PDSS1: variants seen among roughly 807,000 people sequenced by gnomAD.
PDSS1 encodes decaprenyl diphosphate synthase subunit 1.
A neutral mutation model predicts 57.5 loss-of-function variants in PDSS1; 43 were observed. That is an observed-to-expected ratio of 0.75 (90% CI 0.59 to 0.96). PDSS1 has a LOEUF of 0.96. PDSS1 is among the 50% of genes least tolerant of loss of function. PDSS1 has a pLI of 0.00. For synonymous variants in PDSS1, 175 were observed against 191.3 expected (o/e 0.91, Z 0.70); for missense variants, 438 against 527.8 (o/e 0.83, Z 1.67).
rs552055647 is a variant in PDSS1, at chr10:26,727,548, C to T, written c.831+3425C>T. 3.0e-4 allele frequency among the ~76,000 whole-genome samples: 45 copies of T among 149,822 alleles called. No individual in the cohort carries two copies. In the Middle Eastern group the frequency reaches 0.01, roughly 34 times the overall value. ...TCTCGCTCTGTTGCCCAGGCTGGAG[C>T]GCAGTGGCATGATCTCAGCTCACTG... On this transcript the variant is annotated intron_variant, in intron 8 of 11. Coordinates refer to ENST00000376215, the MANE Select transcript of PDSS1 (RefSeq NM_014317.5).
At chr10:26,740,704 A>G in intron 10 of PDSS1, 3 of 456,674 alleles carry the variant, frequency 6.6e-6, no homozygotes, top group Middle Eastern at 6.5e-4. Flanking sequence ...AAAATCAAAC[A>G]CATCTTACCT....
chr10:26,709,771 G>A lies in PDSS1; in HGVS notation c.467+3G>A. On this transcript the variant is annotated splice_donor_region_variant and intron_variant, in intron 5 of 11. Transcript: ENST00000376215. ...AATATTCATCATAACAACTCCCGGT[G>A]AGCTCTTTTTTTCATTCCTTTCTTG... 1.9e-6 allele frequency: 3 copies of A among 1,613,868 alleles called. No homozygotes were observed. The highest frequency in any genetic ancestry group is 2.5e-6 in the Non-Finnish European group (3 of 1,179,790).
chr10:26,725,957 G>A lies in PDSS1; in HGVS notation c.831+1834G>A, dbSNP rs116404417. Among the ~76,000 whole-genome samples the A allele has an allele frequency of 2.6e-3, 389 of 152,304 alleles. 1 individual carries two copies. The highest frequency in any genetic ancestry group is 8.8e-3 in the African/African-American group (366 of 41,562). On this transcript the variant is annotated intron_variant, in intron 8 of 11. Transcript: ENST00000376215. ...AAATAAAGTCTTAGAAGCATTAGTAGTAGTGAGACTATTGGAATTGGAAAC... is the reference window on the plus strand; with the variant it reads ...AAATAAAGTCTTAGAAGCATTAGTAATAGTGAGACTATTGGAATTGGAAAC...
chr10:26,698,807 A>C (rs992234749), intron 1 of PDSS1, among the ~76,000 whole-genome samples: 1 of 152,268 alleles, frequency 6.6e-6, no homozygotes, highest in Non-Finnish European at 1.5e-5. Flanking sequence ...GTACCAAAGT[A>C]GATGCGTATC....
intron 10 of PDSS1, among the ~76,000 whole-genome samples, chr10:26,739,043 CT>C (rs1348374401): frequency 1.3e-5 from 2 of 152,126 alleles, no homozygotes; most frequent in African/African-American, 2.4e-5. Context: ...AAAACCAAAT[CT>C]TTCCTTTCTT....
chr10:26,732,650 AAGAT>A (rs2132293932), intron 8 of PDSS1, among the ~76,000 whole-genome samples: 1 of 152,336 alleles, frequency 6.6e-6, no homozygotes, highest in South Asian at 2.1e-4. Flanking sequence ...TAAGTGACTT[AAGAT>A]GTGAGAACTC....
At position 26,723,655 on chromosome 10, in the gene PDSS1, G is replaced by A. The variant is rs528964356; in HGVS notation, c.610-151G>A. The A allele has an allele frequency of 2.7e-4, 194 of 712,500 alleles. 1 individual carries two copies. Among genetic ancestry groups the A allele is most frequent in the South Asian group, 2.5e-3 (171 of 68,780 alleles). 44.1% of individuals were successfully genotyped at this position (712,500 alleles called of 1,614,324 possible). A position where few individuals can be genotyped will look rare whatever the true frequency, so the allele number is the denominator to read the frequency against. ...TTCCAAATCTGTAACTGATTGTTACGGACTCCTGTTGAGGAAGAAGAAGGT... is the reference window on the plus strand; with the variant it reads ...TTCCAAATCTGTAACTGATTGTTACAGACTCCTGTTGAGGAAGAAGAAGGT... On this transcript the variant is annotated intron_variant, in intron 6 of 11. Coordinates refer to ENST00000376215, the MANE Select transcript of PDSS1 (RefSeq NM_014317.5).
intron 10 of PDSS1, among the ~76,000 whole-genome samples, chr10:26,738,861 T>G (rs558218352): frequency 6.6e-6 from 1 of 152,318 alleles, no homozygotes; most frequent in African/African-American, 2.4e-5. Flanking sequence ...GTTTTGGGGA[T>G]TTCTGGAGAA....
At chr10:26,705,578 A>G (rs1267115050) in intron 4 of PDSS1, among the ~76,000 whole-genome samples, 184 bp downstream of exon 4, 4 of 152,064 alleles carry the variant, frequency 2.6e-5, no homozygotes, top group Non-Finnish European at 5.9e-5. Context: ...GGTTCATGCA[A>G]TTCTCCTGCC....
intron 1 of PDSS1, among the ~76,000 whole-genome samples, chr10:26,698,278 A>G (rs1293504323): frequency 6.6e-6 from 1 of 152,164 alleles, no homozygotes; most frequent in Non-Finnish European, 1.5e-5. Context: ...TCTCCGAGAA[A>G]CGGAGGATCG....
intron 8 of PDSS1, among the ~76,000 whole-genome samples, chr10:26,727,608 A>G (rs897010559): frequency 6.7e-6 from 1 of 149,644 alleles, no homozygotes; most frequent in Non-Finnish European, 1.5e-5. Context: ...TGATTCTCCC[A>G]CCTCAGCCTC....
At chr10:26,739,271 A>G (rs1430789826) in intron 10 of PDSS1, among the ~76,000 whole-genome samples, 2 of 152,210 alleles carry the variant, frequency 1.3e-5, no homozygotes, top group Non-Finnish European at 2.9e-5. Context: ...TTACAACCCG[A>G]TTTATCCACA....
At chr10:26,716,796 G>A (rs1366238719) in intron 5 of PDSS1, among the ~76,000 whole-genome samples, 2 of 152,168 alleles carry the variant, frequency 1.3e-5, no homozygotes, top group African/African-American at 4.8e-5. Flanking sequence ...TACAGAGGAC[G>A]TAGCCAACTC....
At chr10:26,705,434 AC>A in intron 4 of PDSS1, 40 bp downstream of exon 4, 1 of 846,406 alleles carries the variant, frequency 1.2e-6, no homozygotes. Flanking sequence ...GTTTTAGCTT[AC>A]CAAAACTTAC....
rs148399380 is a variant in PDSS1 at position 26,713,253 on chromosome 10, T to C, written c.467+3485T>C. Reference sequence around the variant, plus strand: ...GTTGCAGTGAGCCGAGATCACGCCATTGCATTCCATCCTGGGAACAGAGCA... The same window carrying C: ...GTTGCAGTGAGCCGAGATCACGCCACTGCATTCCATCCTGGGAACAGAGCA... On this transcript the variant is annotated intron_variant, in intron 5 of 11. Transcript: ENST00000376215. Among the ~76,000 whole-genome samples the C allele has an allele frequency of 9.2e-3, 1,374 of 149,884 alleles. 95 individuals are homozygous for C. In the South Asian group the frequency reaches 0.15, roughly 16 times the overall value.
intron 5 of PDSS1, among the ~76,000 whole-genome samples, chr10:26,716,804 C>G (rs1835598074): frequency 6.6e-6 from 1 of 152,202 alleles, no homozygotes; most frequent in African/African-American, 2.4e-5. Context: ...ACGTAGCCAA[C>G]TCTCAAGACC....
At position 26,746,322 on chromosome 10, in the gene PDSS1, G is replaced by GTATC. The variant is rs754262066; in HGVS notation, c.1108-9_1108-6dup. On this transcript the variant is annotated splice_polypyrimidine_tract_variant and intron_variant, in intron 11 of 11. Coordinates refer to ENST00000376215, the MANE Select transcript of PDSS1 (RefSeq NM_014317.5). ...ACAGGCATCTGTTCTGTTTTGTTCTGTATCTTATAGAGTGATGGTGTGCAA... is the reference window on the plus strand; with the variant it reads ...ACAGGCATCTGTTCTGTTTTGTTCTGTATCTATCTTATAGAGTGATGGTGTGCAA... 1.1e-4 allele frequency: 170 copies of GTATC among 1,613,898 alleles called. No homozygotes were observed. Among genetic ancestry groups the GTATC allele is most frequent in the East Asian group, 1.8e-4 (8 of 44,862 alleles).
chr10:26,705,046 GTT>G (rs1213733968), intron 3 of PDSS1, among the ~76,000 whole-genome samples: 1 of 152,134 alleles, frequency 6.6e-6, no homozygotes, highest in Non-Finnish European at 1.5e-5. Context: ...AATGAACATA[GTT>G]TAGTTTTTCT....
chr10:26,700,632 G>A (rs543747256), intron 1 of PDSS1, among the ~76,000 whole-genome samples: 1 of 152,114 alleles, frequency 6.6e-6, no homozygotes, highest in Admixed American at 6.5e-5. Context: ...AGTTCCTCCT[G>A]TGTTCATTCT....
Sources: gnomAD v4.1 joint callset for allele counts (sites outside exome capture counted in the v4.1 genomes callset) on GRCh38, gnomAD v4.1.1 for gene constraint, MANE v1.5 for transcripts, NCBI Gene and HGNC (gene_info 2026-07-23, HGNC 2026-07-21) for gene names.